Variants in OSBPL1A observed in about 807,000 individuals in gnomAD.
The protein encoded by OSBPL1A is oxysterol-binding protein-related protein 1.
OSBPL1A carries 80 observed loss-of-function variants against 137.1 expected under a neutral mutation model. The ratio of observed to expected loss-of-function variants is 0.58; its 90% CI spans 0.49 to 0.70. The LOEUF is 0.70. Ranked by LOEUF, OSBPL1A falls within the 30% of genes least tolerant of loss-of-function variation. OSBPL1A has a pLI of 0.00. For synonymous variants in OSBPL1A, 365 were observed against 389.7 expected (o/e 0.94, Z 0.75); for missense variants, 970 against 1,129.4 (o/e 0.86, Z 2.02).
At chr18:24,287,772 A>AAAAAC (rs1555645252) in intron 14 of OSBPL1A, among the ~76,000 whole-genome samples, 9 of 136,106 alleles carry the variant, frequency 6.6e-5, no homozygotes, top group Admixed American at 5.9e-4. Flanking sequence ...ACTCTGTCTC[A>AAAAAC]AAAATAAAAT....
intron 4 of OSBPL1A, among the ~76,000 whole-genome samples, chr18:24,354,748 CAAAAAAAAAAA>C (rs59694707): frequency 2.9e-4 from 22 of 77,090 alleles, no homozygotes; most frequent in African/African-American, 6.3e-4. Context: ...CTCAATATAG[CAAAAAAAAAAA>C]AAAAAAAAAA....
intron 16 of OSBPL1A, among the ~76,000 whole-genome samples, chr18:24,230,076 T>C (rs1200463524): frequency 6.6e-6 from 1 of 152,222 alleles, no homozygotes; most frequent in Non-Finnish European, 1.5e-5. Context: ...AATTCTGGGT[T>C]CTTCAATGTT....
intron 26 of OSBPL1A, among the ~76,000 whole-genome samples, chr18:24,165,680 C>T (rs1243073828): frequency 1.3e-5 from 2 of 152,218 alleles, no homozygotes; most frequent in East Asian, 1.9e-4. Flanking sequence ...CCATGGCCTG[C>T]AGACGCCAGC....
chr18:24,310,831 T>C (rs1453051949), intron 13 of OSBPL1A, among the ~76,000 whole-genome samples: 2 of 152,200 alleles, frequency 1.3e-5, no homozygotes, highest in Non-Finnish European at 2.9e-5. Context: ...GAATACCAAC[T>C]GAAAGTTAAA....
At chr18:24,231,016 C>T (rs984333596) in intron 16 of OSBPL1A, among the ~76,000 whole-genome samples, 5 of 152,240 alleles carry the variant, frequency 3.3e-5, no homozygotes, top group African/African-American at 1.2e-4. Flanking sequence ...GCTCGGCAGG[C>T]TGAGGTGGAG....
At chr18:24,293,169 T>G (rs1460964583) in intron 14 of OSBPL1A, among the ~76,000 whole-genome samples, 2 of 145,906 alleles carry the variant, frequency 1.4e-5, no homozygotes, top group Admixed American at 6.8e-5. Flanking sequence ...TGAGAAGAAT[T>G]TGAAAAAGAG....
chr18:24,285,318 C>CT (rs2090049250), intron 14 of OSBPL1A, among the ~76,000 whole-genome samples: 1 of 152,104 alleles, frequency 6.6e-6, no homozygotes, highest in South Asian at 2.1e-4. Flanking sequence ...TACCATAATT[C>CT]TTTTAATATA....
chr18:24,317,255 A>T lies in OSBPL1A; in HGVS notation c.807-43T>A, dbSNP rs1228759004. Reference sequence around the variant, plus strand: ...AATTATCAAGACAAAAGGAAAAGAGACAAGTGAAAAAAATTCGTATTTCAA... The same window carrying T: ...AATTATCAAGACAAAAGGAAAAGAGTCAAGTGAAAAAAATTCGTATTTCAA... On this transcript the variant is annotated intron_variant, in intron 10 of 27. Transcript: ENST00000319481. 3.1e-6 allele frequency: 5 copies of T among 1,610,466 alleles called. No individual in the cohort carries two copies. In the African/African-American group the frequency reaches 4.0e-5, roughly 13 times the overall value.
intron 15 of OSBPL1A, among the ~76,000 whole-genome samples, chr18:24,262,804 C>A (rs1252899204): frequency 7.2e-6 from 1 of 139,588 alleles, no homozygotes; most frequent in African/African-American, 3.0e-5. Flanking sequence ...CCTACCCAGG[C>A]AACCACTGCT....
At chr18:24,290,654 G>A in intron 14 of OSBPL1A, among the ~76,000 whole-genome samples, 1 of 152,200 alleles carries the variant, frequency 6.6e-6, no homozygotes, top group East Asian at 1.9e-4. Flanking sequence ...CTGCACTCCA[G>A]CCTGGGCAAC....
chr18:24,328,605 G>A (rs1442681168), intron 7 of OSBPL1A, among the ~76,000 whole-genome samples: 1 of 152,122 alleles, frequency 6.6e-6, no homozygotes, highest in African/African-American at 2.4e-5. Context: ...AAAGACAAGA[G>A]CACTTCTGGC....
intron 15 of OSBPL1A, among the ~76,000 whole-genome samples, chr18:24,253,837 G>A (rs1048039591): frequency 6.6e-6 from 1 of 152,198 alleles, no homozygotes; most frequent in African/African-American, 2.4e-5. Flanking sequence ...TTATCCCCAG[G>A]AGGAATTTAG....
intron 1 of OSBPL1A, among the ~76,000 whole-genome samples, chr18:24,385,030 C>A (rs1382064317): frequency 5.3e-5 from 8 of 150,704 alleles, no homozygotes; most frequent in Non-Finnish European, 1.2e-4. Flanking sequence ...TCTCGACTCA[C>A]TGCAAGCTCC....
At chr18:24,237,507 G>A (rs1036241207) in intron 16 of OSBPL1A, among the ~76,000 whole-genome samples, 15 of 152,148 alleles carry the variant, frequency 9.9e-5, no homozygotes, top group African/African-American at 3.1e-4. Flanking sequence ...GTTTCACCAT[G>A]TTGCCCAGGC....
chr18:24,338,239 AT>A lies in OSBPL1A; in HGVS notation c.394+3307del, dbSNP rs71375134. ...AAGCACTTGCCACCATGCCTGGCTAATTTTTTTTTTTTTTGTATTTTTAGTA... is the reference window on the plus strand; with the variant it reads ...AAGCACTTGCCACCATGCCTGGCTAATTTTTTTTTTTTTGTATTTTTAGTA... On this transcript the variant is annotated intron_variant, in intron 5 of 27. Coordinates refer to ENST00000319481, the MANE Select transcript of OSBPL1A (RefSeq NM_080597.4). Among the ~76,000 whole-genome samples the A allele has an allele frequency of 2.3e-3, 331 of 143,116 alleles. 1 individual carries two copies. The highest frequency in any genetic ancestry group is 6.1e-3 in the East Asian group (30 of 4,906). The allele number at this position is 143,116 out of a possible 152,430, so 93.9% of individuals were successfully genotyped here. A position where few individuals can be genotyped will look rare whatever the true frequency, so the allele number is the denominator to read the frequency against.
At chr18:24,334,899 T>C (rs2091147400) in intron 5 of OSBPL1A, among the ~76,000 whole-genome samples, 1 of 152,190 alleles carries the variant, frequency 6.6e-6, no homozygotes, top group Middle Eastern at 3.2e-3. Context: ...GATGTATATT[T>C]AGTGGGATCA....
intron 16 of OSBPL1A, among the ~76,000 whole-genome samples, chr18:24,226,176 C>T (rs1213224577): frequency 6.6e-6 from 1 of 152,088 alleles, no homozygotes; most frequent in Non-Finnish European, 1.5e-5. Context: ...TTGTACACGA[C>T]AGTAGCGTTT....
intron 18 of OSBPL1A, among the ~76,000 whole-genome samples, chr18:24,188,637 C>G (rs532035785): frequency 3.4e-4 from 51 of 152,138 alleles, no homozygotes; most frequent in Non-Finnish European, 6.5e-4. Flanking sequence ...GAGGCAGAAC[C>G]CAGACTGCCA....
intron 17 of OSBPL1A, among the ~76,000 whole-genome samples, chr18:24,198,653 C>T (rs1001139753): frequency 6.6e-6 from 1 of 151,930 alleles, no homozygotes; most frequent in African/African-American, 2.4e-5. Context: ...CACCGGCCCA[C>T]GAGACACCCA....
Sources: allele counts gnomAD v4.1 joint callset (sites outside exome capture counted in the v4.1 genomes callset), GRCh38; gene constraint gnomAD v4.1.1; transcripts MANE v1.5; gene names NCBI Gene and HGNC (gene_info 2026-07-23, HGNC 2026-07-21).